The following TMEM182 variants were observed in gnomAD, a reference collection of about 807,000 sequenced individuals.
TMEM182 encodes transmembrane protein 182.
TMEM182 carries 20 observed loss-of-function variants against 26.8 expected under a neutral mutation model. That is an observed-to-expected ratio of 0.75 (90% CI 0.53 to 1.09). The LOEUF (loss-of-function observed/expected upper bound fraction) is 1.09, where lower values mean the gene tolerates loss of function less well. TMEM182 is among the 50% of genes least tolerant of loss of function. The pLI, the probability that TMEM182 is intolerant of heterozygous loss-of-function variation, is 0.00. For synonymous variants in TMEM182, 109 were observed against 102.2 expected, an observed-to-expected ratio of 1.07 and a Z score of -0.40; for missense variants, 277 against 275.5, an observed-to-expected ratio of 1.01 and a Z score of -0.04.
chr2:102,830,993 C>T (rs1683138557), intron 3 of TMEM182, among the ~76,000 whole-genome samples: 1 of 152,220 alleles, frequency 6.6e-6, no homozygotes, highest in Non-Finnish European at 1.5e-5. Flanking sequence ...TTTCACTTAA[C>T]ATAATGATCC....
chr2:102,736,935 A>G (rs1221060456), exon 1 of TMEM182: 1 of 1,266,332 alleles, frequency 7.9e-7, no homozygotes, highest in East Asian at 2.6e-5. Flanking sequence ...GCTACCTGGC[A>G]GCTCCGCGGG....
At chr2:102,747,649 T>TA (rs200583692) in intron 1 of TMEM182, among the ~76,000 whole-genome samples, 14 of 151,206 alleles carry the variant, frequency 9.3e-5, no homozygotes, top group African/African-American at 3.4e-4. Context: ...TATGGGAAAA[T>TA]AAAAAAAACA....
At chr2:102,758,251 G>T, upstream of TMEM182, 1 of 493,180 alleles carries the variant, frequency 2.0e-6, no homozygotes, top group South Asian at 3.3e-5. Flanking sequence ...AGAAAGGGAA[G>T]AGAGAACCTA....
intron 3 of TMEM182, among the ~76,000 whole-genome samples, chr2:102,834,877 G>T (rs959259931): frequency 7.9e-5 from 12 of 152,188 alleles, no homozygotes; most frequent in African/African-American, 1.9e-4. Context: ...TATTCCTGGG[G>T]TCTATTTCTA....
intron 3 of TMEM182, among the ~76,000 whole-genome samples, chr2:102,830,435 G>A (rs978908888): frequency 2.0e-5 from 3 of 152,160 alleles, no homozygotes; most frequent in Admixed American, 6.5e-5. Flanking sequence ...CATGAATTTT[G>A]TGGGCTAACA....
intron 3 of TMEM182, among the ~76,000 whole-genome samples, chr2:102,788,193 C>G (rs1487233077): frequency 6.6e-6 from 1 of 152,226 alleles, no homozygotes; most frequent in Non-Finnish European, 1.5e-5. Context: ...CTGCACCCAG[C>G]TTTACTGGGC....
chr2:102,842,715 G>C (rs541969921), intron 3 of TMEM182, among the ~76,000 whole-genome samples: 1 of 151,908 alleles, frequency 6.6e-6, no homozygotes. Context: ...ATATCTTTGC[G>C]ATTTCCCACT....
chr2:102,750,142 C>T lies in TMEM182; in HGVS notation c.-82-8247C>T, dbSNP rs368041304. On this transcript the variant is annotated intron_variant, in intron 1 of 5. Coordinates refer to the TMEM182 transcript ENST00000409173. ...TATGCTACTTGCACAGATTCACTTTCGCTTCCCCAATGTTCCATTTTCTGG... is the reference window on the plus strand; with the variant it reads ...TATGCTACTTGCACAGATTCACTTTTGCTTCCCCAATGTTCCATTTTCTGG... Among the ~76,000 whole-genome samples the T allele has an allele frequency of 3.1e-4, 47 of 152,092 alleles. No homozygotes were observed. The East Asian group carries it at 5.2e-3, about 17-fold the overall frequency.
chr2:102,748,005 C>A (rs1216525654), intron 1 of TMEM182, among the ~76,000 whole-genome samples: 2 of 152,094 alleles, frequency 1.3e-5, no homozygotes, highest in Non-Finnish European at 2.9e-5. Flanking sequence ...TCAGGCAACT[C>A]CCCCAGGTAG....
At chr2:102,784,509 A>G (rs1681307050) in intron 3 of TMEM182, among the ~76,000 whole-genome samples, 1 of 152,204 alleles carries the variant, frequency 6.6e-6, no homozygotes, top group Admixed American at 6.5e-5. Context: ...TAATATTGTT[A>G]TAGAAAAGGT....
At chr2:102,789,980 C>G (rs2104712991) in intron 3 of TMEM182, among the ~76,000 whole-genome samples, 1 of 152,272 alleles carries the variant, frequency 6.6e-6, no homozygotes, top group Middle Eastern at 3.4e-3. Flanking sequence ...GCACCATATG[C>G]CCTTTCTCAC....
rs907201142 is a variant in TMEM182, at chr2:102,816,967, A to G, written c.*1999A>G. 1.0e-6 allele frequency: 1 copy of G among 985,684 alleles called. No individual in the cohort carries two copies. Among genetic ancestry groups the G allele is most frequent in the South Asian group, 4.7e-5 (1 of 21,298 alleles). The allele number at this position is 985,684 out of a possible 1,614,324, so 61.1% of individuals were successfully genotyped here. A position where few individuals can be genotyped will look rare whatever the true frequency, so the allele number is the denominator to read the frequency against. ...TAAGTGGCTACCATATATTTTTTATATGACAATTGGCTGAATAGCTGATGT... is the reference window on the plus strand; with the variant it reads ...TAAGTGGCTACCATATATTTTTTATGTGACAATTGGCTGAATAGCTGATGT... On this transcript the variant is annotated 3_prime_UTR_variant, in exon 5 of 5. Transcript: ENST00000412401.
chr2:102,795,837 G>T lies in TMEM182; in HGVS notation c.332-2026G>T, dbSNP rs542818558. On this transcript the variant is annotated intron_variant, in intron 3 of 4. Transcript: ENST00000412401. The stretch of plus-strand genomic sequence containing the variant: ...TGAATTCTGAGTTCTGGCCTCCTGC[G>T]CTGTGGCACAGTTCCATGCAGCCAT... Among the ~76,000 whole-genome samples the T allele has an allele frequency of 1.4e-4, 22 of 152,218 alleles. 1 individual carries two copies. In the East Asian group the frequency reaches 3.1e-3, roughly 21 times the overall value.
intron 3 of TMEM182, among the ~76,000 whole-genome samples, chr2:102,765,022 T>C (rs897951373): frequency 3.3e-5 from 5 of 152,080 alleles, no homozygotes; most frequent in Non-Finnish European, 1.5e-5. Flanking sequence ...ATCAATGTCA[T>C]ATATAGAACA....
At chr2:102,749,790 C>G (rs1193928746) in intron 1 of TMEM182, among the ~76,000 whole-genome samples, 1 of 151,936 alleles carries the variant, frequency 6.6e-6, no homozygotes, top group Non-Finnish European at 1.5e-5. Context: ...GTTTCAAACA[C>G]AAACTGCCTC....
chr2:102,778,338 T>C (rs1404816173), intron 3 of TMEM182, among the ~76,000 whole-genome samples: 1 of 152,038 alleles, frequency 6.6e-6, no homozygotes, highest in East Asian at 1.9e-4. Context: ...TTTTAATTAA[T>C]ATTTGAATGA....
At chr2:102,762,801 A>G (rs1680272215) in intron 2 of TMEM182, 115 bp downstream of exon 2, 1 of 756,372 alleles carries the variant, frequency 1.3e-6, no homozygotes, top group African/African-American at 1.8e-5. Context: ...AATCTCAATT[A>G]GATGTCTTTA....
rs919644450 is a variant in TMEM182 at position 102,750,038 on chromosome 2, T to C, written c.-82-8351T>C. Among the ~76,000 whole-genome samples the C allele has an allele frequency of 5.5e-5, 8 of 146,008 alleles. No individual in the cohort carries two copies. In the Admixed American group the frequency reaches 5.5e-4, roughly 10 times the overall value. On this transcript the variant is annotated intron_variant, in intron 1 of 5. Coordinates refer to the TMEM182 transcript ENST00000409173. ...TTAATTAATTTATAATAAATAAATG[T>C]TTTTTTTTAAATGAAGCAGGAAAAG...
At chr2:102,739,430 G>A (rs1679484341) in intron 1 of TMEM182, among the ~76,000 whole-genome samples, 2 of 152,188 alleles carry the variant, frequency 1.3e-5, no homozygotes, top group African/African-American at 4.8e-5. Flanking sequence ...ATGTCGAATT[G>A]TAGTCCCCAG....
Sources: gnomAD v4.1 joint callset for allele counts (sites outside exome capture counted in the v4.1 genomes callset) on GRCh38, gnomAD v4.1.1 for gene constraint, MANE v1.5 for transcripts, NCBI Gene and HGNC (gene_info 2026-07-23, HGNC 2026-07-21) for gene names.